The following EYS variants were observed in gnomAD, a reference collection of about 807,000 sequenced individuals.
EYS encodes the protein protein eyes shut homolog.
Under a neutral mutation model 282.1 loss-of-function variants are expected in EYS, and 250 were observed. The ratio of observed to expected loss-of-function variants is 0.89; its 90% CI spans 0.80 to 0.98. EYS has a LOEUF of 0.98. Among genes scored for constraint, EYS ranks in the 50% least tolerant of loss-of-function variants. EYS has a pLI of 0.00. For missense variants in EYS, 4,016 were observed against 3,709.0 expected, an observed-to-expected ratio of 1.08 and a Z score of -2.15; for synonymous variants, 1,355 against 1,282.9, an observed-to-expected ratio of 1.06 and a Z score of -1.20.
intron 12 of EYS, among the ~76,000 whole-genome samples, chr6:65,085,919 T>G (rs1164632566): frequency 7.2e-6 from 1 of 139,318 alleles, no homozygotes; most frequent in Non-Finnish European, 1.5e-5. Flanking sequence ...TGCACTTCTA[T>G]ATTTCTCTCC....
At chr6:64,860,580 GC>G in intron 19 of EYS, among the ~76,000 whole-genome samples, 1 of 152,332 alleles carries the variant, frequency 6.6e-6, no homozygotes, top group East Asian at 1.9e-4. Flanking sequence ...GACCTGCAGA[GC>G]CCCAAAGAGG....
intron 36 of EYS, among the ~76,000 whole-genome samples, chr6:63,861,754 C>G (rs1449825292): frequency 6.6e-6 from 1 of 152,122 alleles, no homozygotes; most frequent in Admixed American, 6.6e-5. Flanking sequence ...AAAAGAAACT[C>G]CAGGGAGCTA....
intron 29 of EYS, among the ~76,000 whole-genome samples, chr6:64,323,554 A>T (rs1392205621): frequency 6.6e-6 from 1 of 152,098 alleles, no homozygotes; most frequent in Non-Finnish European, 1.5e-5. Flanking sequence ...AATTTTCTTT[A>T]TACATTTGTG....
intron 2 of EYS, among the ~76,000 whole-genome samples, chr6:65,577,778 T>C (rs1014977003): frequency 6.7e-6 from 1 of 149,068 alleles, no homozygotes; most frequent in Non-Finnish European, 1.5e-5. Flanking sequence ...ACAAAATACC[T>C]GAATAAATAT....
At chr6:64,844,383 T>G (rs1765659454) in intron 19 of EYS, among the ~76,000 whole-genome samples, 1 of 150,782 alleles carries the variant, frequency 6.6e-6, no homozygotes, top group African/African-American at 2.4e-5. Flanking sequence ...AGTAGAAGCA[T>G]AGTTTCAGTG....
chr6:64,072,115 T>C (rs185425123), intron 32 of EYS, among the ~76,000 whole-genome samples: 53 of 152,006 alleles, frequency 3.5e-4, no homozygotes, highest in African/African-American at 1.3e-3. Flanking sequence ...ATAATAAAAA[T>C]AGATTAAGTC....
At chr6:64,641,854 T>C (rs377520672) in intron 22 of EYS, among the ~76,000 whole-genome samples, 27 of 152,314 alleles carry the variant, frequency 1.8e-4, no homozygotes, top group Middle Eastern at 3.4e-3. Context: ...GGAATTATGT[T>C]GTGTACTCCT....
chr6:65,686,488 A>G (rs1466006903), intron 1 of EYS, among the ~76,000 whole-genome samples: 1 of 152,090 alleles, frequency 6.6e-6, no homozygotes, highest in Non-Finnish European at 1.5e-5. Flanking sequence ...GTGGTTATGC[A>G]CGTGTATGCT....
At chr6:64,066,203 G>A (rs1582220963) in intron 33 of EYS, 135 bp downstream of exon 33, 10 of 671,036 alleles carry the variant, frequency 1.5e-5, no homozygotes, top group Middle Eastern at 4.0e-4. Flanking sequence ...GCTTGAACCC[G>A]GGAGGCGGAG....
intron 12 of EYS, among the ~76,000 whole-genome samples, chr6:65,141,513 T>C (rs183187790): frequency 4.0e-5 from 6 of 151,830 alleles, no homozygotes; most frequent in Admixed American, 3.3e-4. Flanking sequence ...AAACAAAATT[T>C]CTAAATCTGG....
chr6:65,002,084 C>T (rs578172291), intron 13 of EYS, among the ~76,000 whole-genome samples: 1 of 146,162 alleles, frequency 6.8e-6, no homozygotes, highest in African/African-American at 2.4e-5. Flanking sequence ...TCAATGTGAA[C>T]AATTTAAATT....
At chr6:65,061,894 C>T (rs913404162) in intron 12 of EYS, among the ~76,000 whole-genome samples, 2 of 151,896 alleles carry the variant, frequency 1.3e-5, no homozygotes, top group African/African-American at 4.8e-5. Flanking sequence ...ACATTCTATG[C>T]TTTCTTTACT....
At chr6:63,992,035 C>T (rs1767628826) in intron 34 of EYS, among the ~76,000 whole-genome samples, 1 of 151,674 alleles carries the variant, frequency 6.6e-6, no homozygotes, top group African/African-American at 2.4e-5. Context: ...AAAGACTTTC[C>T]CCATAAACAA....
intron 22 of EYS, among the ~76,000 whole-genome samples, chr6:64,650,012 C>A (rs914994097): frequency 6.6e-6 from 1 of 151,748 alleles, no homozygotes; most frequent in African/African-American, 2.4e-5. Flanking sequence ...ATTTTAAAAT[C>A]CAAATTTAAT....
chr6:64,791,644 A>T (rs1405361878), intron 22 of EYS, among the ~76,000 whole-genome samples: 1 of 151,932 alleles, frequency 6.6e-6, no homozygotes, highest in African/African-American at 2.4e-5. Flanking sequence ...GTTGGCAGCA[A>T]CTACAACCAT....
intron 35 of EYS, among the ~76,000 whole-genome samples, chr6:63,908,378 A>G (rs1773836220): frequency 6.6e-6 from 1 of 152,108 alleles, no homozygotes; most frequent in Non-Finnish European, 1.5e-5. Context: ...AATTAGTACA[A>G]CCTCTATGGA....
At chr6:65,055,757 A>G (rs1004564674) in intron 13 of EYS, among the ~76,000 whole-genome samples, 1 of 152,074 alleles carries the variant, frequency 6.6e-6, no homozygotes, top group Non-Finnish European at 1.5e-5. Context: ...GTACTTTTGA[A>G]AGGAAGATGA....
chr6:63,961,974 T>A (rs553711354), intron 35 of EYS, among the ~76,000 whole-genome samples: 1 of 152,174 alleles, frequency 6.6e-6, no homozygotes, highest in Non-Finnish European at 1.5e-5. Context: ...AACTATCTGA[T>A]CTTTGACAAA....
At chr6:64,710,351 T>C (rs1583067549) in intron 22 of EYS, among the ~76,000 whole-genome samples, 1 of 152,296 alleles carries the variant, frequency 6.6e-6, no homozygotes, top group East Asian at 1.9e-4. Context: ...CTACCACATC[T>C]CAGGTGGAAA....
Sources: gnomAD v4.1 joint callset for allele counts (sites outside exome capture counted in the v4.1 genomes callset) on GRCh38, gnomAD v4.1.1 for gene constraint, MANE v1.5 for transcripts, NCBI Gene and HGNC (gene_info 2026-07-23, HGNC 2026-07-21) for gene names.